LY75: variants seen among roughly 807,000 people sequenced by gnomAD.
The protein encoded by LY75 is C-type lectin domain family 13 member B.
LY75 carries 185 observed loss-of-function variants against 231.7 expected under a neutral mutation model. The ratio of observed to expected loss-of-function variants is 0.80; its 90% CI spans 0.71 to 0.90. The LOEUF is 0.90. LY75 is among the 40% of genes least tolerant of loss of function. LY75 has a pLI of 0.00. For synonymous variants in LY75, 668 were observed against 689.0 expected, an observed-to-expected ratio of 0.97 and a Z score of 0.48; for missense variants, 1,947 against 2,050.2, an observed-to-expected ratio of 0.95 and a Z score of 0.97.
chr2:159,845,101 A>G (rs1684163385), intron 23 of LY75, among the ~76,000 whole-genome samples: 1 of 152,198 alleles, frequency 6.6e-6, no homozygotes. Context: ...GTTAATGACA[A>G]TGAGAAAGAG....
intron 28 of LY75, 56 bp downstream of exon 28, chr2:159,831,614 T>A: frequency 1.3e-6 from 2 of 1,564,182 alleles, no homozygotes; most frequent in Non-Finnish European, 8.7e-7. Flanking sequence ...GCTTGATAAT[T>A]ATGTTATAAT....
At chr2:159,866,565 C>T (rs566052488) in intron 13 of LY75, among the ~76,000 whole-genome samples, 2 of 152,206 alleles carry the variant, frequency 1.3e-5, no homozygotes, top group Admixed American at 6.5e-5. Flanking sequence ...GCAGTTTATG[C>T]CTTCAGCTCA....
At chr2:159,879,496 A>G in intron 8 of LY75, 127 bp from the exon 9 acceptor site, 1 of 1,353,608 alleles carries the variant, frequency 7.4e-7, no homozygotes. Flanking sequence ...ATCAAATGTG[A>G]GAACACACTC....
In LY75 at chr2:159,904,733, CGCCCCGCCTGCTGAGCGCGGCCT is replaced by C. The variant is rs951486540; in HGVS notation, c.-74_-52del. 2.9e-6 allele frequency: 4 copies of C among 1,366,384 alleles called. No homozygotes were observed. In the African/African-American group the frequency reaches 4.6e-5, roughly 16 times the overall value. The allele number at this position is 1,366,384 out of a possible 1,614,324, so 84.6% of individuals were successfully genotyped here. A position where few individuals can be genotyped will look rare whatever the true frequency, so the allele number is the denominator to read the frequency against. ...CGGGTCCTCGGGCGCACGCGGCTCCCGCCCCGCCTGCTGAGCGCGGCCTGCCCCGCCCGCACCTCTGTCTAGGC... is the reference window on the plus strand; with the variant it reads ...CGGGTCCTCGGGCGCACGCGGCTCCCGCCCCGCCCGCACCTCTGTCTAGGC... On this transcript the variant is annotated 5_prime_UTR_variant, in exon 1 of 35. Transcript: ENST00000263636.
At chr2:159,828,660 C>CCATGCAAAAACTTGTA (rs1683555034) in intron 28 of LY75, among the ~76,000 whole-genome samples, 1 of 152,118 alleles carries the variant, frequency 6.6e-6, no homozygotes, top group African/African-American at 2.4e-5. Context: ...AAACATATGT[C>CCATGCAAAAACTTGTA]CATGCAAAAA....
chr2:159,898,555 A>G, intron 2 of LY75, 133 bp downstream of exon 2: 1 of 1,404,788 alleles, frequency 7.1e-7, no homozygotes, highest in Non-Finnish European at 9.5e-7. Flanking sequence ...GTAACTGCAC[A>G]GTGCCTGGAA....
At chr2:159,900,407 G>A (rs1428675316) in intron 1 of LY75, among the ~76,000 whole-genome samples, 1 of 152,220 alleles carries the variant, frequency 6.6e-6, no homozygotes, top group Non-Finnish European at 1.5e-5. Context: ...GTTGATAAGA[G>A]TAAAGCTGAA....
intron 21 of LY75, 60 bp downstream of exon 21, chr2:159,852,141 A>G (rs1429675048): frequency 6.3e-7 from 1 of 1,587,990 alleles, no homozygotes. Flanking sequence ...ATTCTGCCAT[A>G]GGCTATAAAA....
At chr2:159,879,426 GAACTGAACTC>G (rs1685371178) in intron 8 of LY75, 57 bp from the exon 9 acceptor site, 1 of 1,598,214 alleles carries the variant, frequency 6.3e-7, no homozygotes, top group South Asian at 1.1e-5. Flanking sequence ...CGCATATTCA[GAACTGAACTC>G]ACAAAAACTA....
At chr2:159,810,696 G>C (rs751180260) in intron 31 of LY75, 21 bp from the exon 32 acceptor site, 6 of 1,601,860 alleles carry the variant, frequency 3.7e-6, no homozygotes, top group East Asian at 2.2e-5. Context: ...GTTAGACACA[G>C]TTGTAACAAT....
At chr2:159,862,637 T>A (rs1156496268) in intron 14 of LY75, among the ~76,000 whole-genome samples, 1 of 151,378 alleles carries the variant, frequency 6.6e-6, no homozygotes, top group Non-Finnish European at 1.5e-5. Context: ...TAAAGACACA[T>A]AATTTTAATG....
chr2:159,889,898 A>C (rs1177074693), intron 4 of LY75, among the ~76,000 whole-genome samples: 2 of 152,068 alleles, frequency 1.3e-5, no homozygotes, highest in African/African-American at 4.8e-5. Context: ...CTATTTTTCA[A>C]TGTTCAAAGA....
intron 23 of LY75, among the ~76,000 whole-genome samples, chr2:159,843,797 T>G (rs1220937280): frequency 6.6e-6 from 1 of 152,054 alleles, no homozygotes; most frequent in African/African-American, 2.4e-5. Context: ...GAAGAGAAGG[T>G]TTTGAATGTT....
chr2:159,814,611 T>TG (rs1683059330), intron 31 of LY75, among the ~76,000 whole-genome samples: 1 of 143,274 alleles, frequency 7.0e-6, no homozygotes, highest in Non-Finnish European at 1.5e-5. Flanking sequence ...GCCATGTTCA[T>TG]GCCACTGCAC....
chr2:159,878,825 A>AACTGAGGACATGGCT, intron 9 of LY75, 104 bp from the exon 10 acceptor site: 1 of 1,234,300 alleles, frequency 8.1e-7, no homozygotes, highest in Non-Finnish European at 1.1e-6. Flanking sequence ...AACTTGTGGA[A>AACTGAGGACATGGCT]ATTGAGGACA....
Position 159,898,737 on chromosome 2 carries a change from G to C in LY75, c.417C>G (p.Val139=). 1 of 1,614,136 alleles carries C rather than the reference G, an allele frequency of 6.2e-7. No homozygotes were observed. Among genetic ancestry groups the C allele is most frequent in the Non-Finnish European group, 8.5e-7 (1 of 1,179,984 alleles). Residue 139 remains valine (V), a synonymous_variant, in exon 2 of 35, where the codon GTC becomes GTG. Transcript: ENST00000263636. ...HGTAISNASD[V]WKKGGSEESL... ...TTTCCTCTGAGCCTCCTTTCTTCCA[G>C]ACATCAGATGCATTTGAGATTGCTG... is the stretch of plus-strand genomic sequence containing the variant.
At chr2:159,885,336 A>AAT in intron 5 of LY75, 43 bp from the exon 6 acceptor site, 1 of 1,595,598 alleles carries the variant, frequency 6.3e-7, no homozygotes, top group African/African-American at 1.3e-5. Context: ...TGAGAAAGTT[A>AAT]GGGCCAGGAT....
rs6760195 is a variant in LY75 at position 159,904,571 on chromosome 2, T to C, written c.94+18A>G. On this transcript the variant is annotated intron_variant, in intron 1 of 34. Coordinates refer to ENST00000263636, the MANE Select transcript of LY75 (RefSeq NM_002349.4). ...CGAGGCACCCAGCGGACTGCGGGGC[T>C]GGCGTGCCCGCGGTTACCTGCGCGG... 2 of 1,504,762 alleles carry C rather than the reference T, an allele frequency of 1.3e-6. No individual in the cohort carries two copies. Among genetic ancestry groups the C allele is most frequent in the Admixed American group, 2.1e-5 (1 of 46,758 alleles). The allele number at this position is 1,504,762 out of a possible 1,614,324, so 93.2% of individuals were successfully genotyped here.
intron 16 of LY75, 68 bp downstream of exon 16, chr2:159,858,294 G>A: frequency 1.3e-6 from 2 of 1,559,414 alleles, no homozygotes; most frequent in Non-Finnish European, 1.7e-6. Flanking sequence ...TGCTCCCCTA[G>A]CTACTTTGAG....
Sources: allele counts gnomAD v4.1 joint callset (sites outside exome capture counted in the v4.1 genomes callset), GRCh38; gene constraint gnomAD v4.1.1; transcripts MANE v1.5; gene names NCBI Gene and HGNC (gene_info 2026-07-23, HGNC 2026-07-21).